Variants in NUBPL observed in about 807,000 individuals in gnomAD.
The protein encoded by NUBPL is iron-sulfur cluster transfer protein NUBPL.
A neutral mutation model predicts 45.7 loss-of-function variants in NUBPL; 31 were observed. The ratio of observed to expected loss-of-function variants is 0.68; its 90% CI spans 0.51 to 0.92. NUBPL has a LOEUF of 0.92. Among genes scored for constraint, NUBPL ranks in the 40% least tolerant of loss-of-function variants. The pLI, the probability that NUBPL is intolerant of heterozygous loss-of-function variation, is 0.00. For synonymous variants in NUBPL, 144 were observed against 140.9 expected (o/e 1.02, Z -0.15); for missense variants, 401 against 398.7 (o/e 1.01, Z -0.05).
chr14:31,648,101 CT>C (rs1473531158), intron 4 of NUBPL, among the ~76,000 whole-genome samples: 1 of 152,028 alleles, frequency 6.6e-6, no homozygotes, highest in Non-Finnish European at 1.5e-5. Flanking sequence ...TGTATCTTTT[CT>C]GTCAGCAAAA....
chr14:31,825,802 T>TCC (rs1467024227), intron 7 of NUBPL, among the ~76,000 whole-genome samples: 114 of 141,268 alleles, frequency 8.1e-4, no homozygotes, highest in African/African-American at 3.5e-3. Flanking sequence ...TCATTTCTTC[T>TCC]TCTCCTCCTC....
chr14:31,693,838 G>T (rs2037148977), intron 6 of NUBPL, among the ~76,000 whole-genome samples: 1 of 144,240 alleles, frequency 6.9e-6, no homozygotes, highest in African/African-American at 2.6e-5. Context: ...TAAACATGAG[G>T]TAGATTTTCT....
At chr14:31,747,459 C>T (rs35018996) in intron 6 of NUBPL, among the ~76,000 whole-genome samples, 44,823 of 151,960 alleles carry the variant, frequency 0.29, 7,488 homozygotes, top group South Asian at 0.41. Context: ...TTCTTTGATG[C>T]GAGACTTTTT....
intron 4 of NUBPL, among the ~76,000 whole-genome samples, chr14:31,640,563 T>TA: frequency 6.9e-6 from 1 of 145,818 alleles, no homozygotes; most frequent in African/African-American, 2.5e-5. Context: ...TGCAGTGAGT[T>TA]AAGATCACAC....
chr14:31,707,887 C>T (rs2037489539), intron 6 of NUBPL, among the ~76,000 whole-genome samples: 1 of 152,136 alleles, frequency 6.6e-6, no homozygotes, highest in African/African-American at 2.4e-5. Flanking sequence ...AGATCTTGGG[C>T]CAGTGCCTGA....
chr14:31,650,632 T>A (rs188353169), intron 4 of NUBPL, among the ~76,000 whole-genome samples: 3 of 152,354 alleles, frequency 2.0e-5, no homozygotes, highest in East Asian at 3.9e-4. Flanking sequence ...CCATACTTAA[T>A]GTCTATTAGC....
At chr14:31,799,821 A>G (rs2138860141) in intron 7 of NUBPL, among the ~76,000 whole-genome samples, 1 of 152,308 alleles carries the variant, frequency 6.6e-6, no homozygotes, top group South Asian at 2.1e-4. Flanking sequence ...ACATTTTCTT[A>G]AAATAAGACA....
intron 4 of NUBPL, among the ~76,000 whole-genome samples, chr14:31,609,208 C>T (rs1044448537): frequency 6.6e-6 from 1 of 151,728 alleles, no homozygotes; most frequent in Non-Finnish European, 1.5e-5. Flanking sequence ...CACACATAGA[C>T]TGAAAATAAA....
intron 4 of NUBPL, among the ~76,000 whole-genome samples, chr14:31,599,832 G>T (rs2034379986): frequency 6.6e-6 from 1 of 152,036 alleles, no homozygotes; most frequent in Admixed American, 6.5e-5. Flanking sequence ...TGCAATTCAA[G>T]AGTAACCAAT....
chr14:31,702,262 T>C (rs1309226176), intron 6 of NUBPL, among the ~76,000 whole-genome samples: 3 of 152,236 alleles, frequency 2.0e-5, no homozygotes, highest in South Asian at 2.1e-4. Flanking sequence ...GGGTGTAGCA[T>C]TGCCAACCAG....
At chr14:31,709,956 G>A (rs1157473159) in intron 6 of NUBPL, among the ~76,000 whole-genome samples, 1 of 152,186 alleles carries the variant, frequency 6.6e-6, no homozygotes, top group Non-Finnish European at 1.5e-5. Context: ...GCTTTGCATA[G>A]TTGTGTATTC....
intron 6 of NUBPL, among the ~76,000 whole-genome samples, chr14:31,677,292 T>C (rs1399937928): frequency 6.6e-6 from 1 of 152,220 alleles, no homozygotes; most frequent in African/African-American, 2.4e-5. Context: ...ATTCATTCTT[T>C]CTGTTTGTTT....
chr14:31,604,300 A>G (rs574088676), intron 4 of NUBPL, among the ~76,000 whole-genome samples: 2 of 152,248 alleles, frequency 1.3e-5, no homozygotes, highest in East Asian at 3.9e-4. Context: ...GCAACTTATA[A>G]ATTATTTTTG....
intron 4 of NUBPL, among the ~76,000 whole-genome samples, chr14:31,646,611 C>T (rs771674582): frequency 6.6e-6 from 1 of 152,030 alleles, no homozygotes; most frequent in Admixed American, 6.6e-5. Context: ...TGTTATTTAT[C>T]TCTTTTCTCT....
intron 3 of NUBPL, among the ~76,000 whole-genome samples, chr14:31,583,549 G>A (rs1031519174): frequency 1.3e-5 from 2 of 152,200 alleles, no homozygotes; most frequent in African/African-American, 4.8e-5. Context: ...ATTGAGAGAA[G>A]ACTTCCCCCA....
At chr14:31,588,882 C>G (rs1054330185) in intron 3 of NUBPL, among the ~76,000 whole-genome samples, 4 of 148,552 alleles carry the variant, frequency 2.7e-5, no homozygotes, top group Non-Finnish European at 5.9e-5. Flanking sequence ...TCGTGCCACT[C>G]CAGCCTGGGC....
At chr14:31,834,651 C>T (rs908273070) in intron 8 of NUBPL, among the ~76,000 whole-genome samples, 1 of 152,168 alleles carries the variant, frequency 6.6e-6, no homozygotes. Context: ...CCCAGGCTCT[C>T]TCAGAAGTCT....
chr14:31,737,831 T>C (rs1313774127), intron 6 of NUBPL, among the ~76,000 whole-genome samples: 1 of 152,174 alleles, frequency 6.6e-6, no homozygotes, highest in Non-Finnish European at 1.5e-5. Context: ...TCGCACTTAC[T>C]TAACAGTTGA....
intron 4 of NUBPL, among the ~76,000 whole-genome samples, chr14:31,621,330 T>C (rs2035056017): frequency 6.6e-6 from 1 of 151,910 alleles, no homozygotes; most frequent in Admixed American, 6.6e-5. Flanking sequence ...CACTGAGGTA[T>C]GAAAAATAAA....
Sources: allele counts gnomAD v4.1 joint callset (sites outside exome capture counted in the v4.1 genomes callset), GRCh38; gene constraint gnomAD v4.1.1; transcripts MANE v1.5; gene names NCBI Gene and HGNC (gene_info 2026-07-23, HGNC 2026-07-21).